KLHL1: variants seen among roughly 807,000 people sequenced by gnomAD.
KLHL1 encodes kelch-like protein 1.
KLHL1 carries 47 observed loss-of-function variants against 77.7 expected under a neutral mutation model. The ratio of observed to expected loss-of-function variants is 0.60; its 90% CI spans 0.48 to 0.77. KLHL1 has a LOEUF of 0.77. KLHL1 is among the 30% of genes least tolerant of loss of function. KLHL1 has a pLI of 0.00. For synonymous variants in KLHL1, 360 were observed against 325.2 expected, an observed-to-expected ratio of 1.11 and a Z score of -1.15; for missense variants, 925 against 910.8, an observed-to-expected ratio of 1.02 and a Z score of -0.20.
At chr13:70,106,851 T>C (rs1380956218) in intron 1 of KLHL1, among the ~76,000 whole-genome samples, 1 of 152,178 alleles carries the variant, frequency 6.6e-6, no homozygotes, top group Non-Finnish European at 1.5e-5. Context: ...AAATTTCATC[T>C]TCAGATAATG....
At chr13:70,050,871 G>T (rs1383567347) in intron 1 of KLHL1, among the ~76,000 whole-genome samples, 2 of 151,910 alleles carry the variant, frequency 1.3e-5, no homozygotes, top group Non-Finnish European at 2.9e-5. Context: ...AACTAATTTT[G>T]TGGTGATAAT....
chr13:69,904,287 A>G (rs976818164), intron 4 of KLHL1, among the ~76,000 whole-genome samples: 2 of 152,194 alleles, frequency 1.3e-5, no homozygotes, highest in Admixed American at 6.5e-5. Context: ...ATTATTTGGT[A>G]CAGCTGAAGT....
At chr13:69,860,562 T>C (rs1052565682) in intron 5 of KLHL1, among the ~76,000 whole-genome samples, 3 of 151,982 alleles carry the variant, frequency 2.0e-5, no homozygotes, top group African/African-American at 7.2e-5. Flanking sequence ...ATAATCCTTT[T>C]AAGCTTAATA....
chr13:70,046,792 G>A (rs1380199329), intron 1 of KLHL1, among the ~76,000 whole-genome samples: 3 of 152,198 alleles, frequency 2.0e-5, no homozygotes, highest in Admixed American at 6.5e-5. Context: ...GGAATTAAAG[G>A]CCCTTACACC....
chr13:70,054,547 C>T (rs1259096336), intron 1 of KLHL1, among the ~76,000 whole-genome samples: 1 of 151,882 alleles, frequency 6.6e-6, no homozygotes, highest in Non-Finnish European at 1.5e-5. Context: ...CATGAACATT[C>T]TTTTTTATGT....
chr13:69,960,220 T>C (rs1884022717), intron 3 of KLHL1, among the ~76,000 whole-genome samples: 1 of 151,398 alleles, frequency 6.6e-6, no homozygotes, highest in Non-Finnish European at 1.5e-5. Flanking sequence ...GTCCTCCTAG[T>C]TCCCAGGTGT....
chr13:70,001,769 T>A (rs1338037357), intron 1 of KLHL1, among the ~76,000 whole-genome samples: 1 of 151,578 alleles, frequency 6.6e-6, no homozygotes, highest in Non-Finnish European at 1.5e-5. Flanking sequence ...TAAAACTATG[T>A]CAGTAGACCA....
intron 4 of KLHL1, among the ~76,000 whole-genome samples, chr13:69,893,645 G>T (rs192730008): frequency 1.3e-5 from 2 of 152,136 alleles, no homozygotes; most frequent in Non-Finnish European, 2.9e-5. Context: ...TATGTATGAT[G>T]CTCTAAATAC....
At chr13:69,927,377 C>A (rs1021928901) in intron 4 of KLHL1, among the ~76,000 whole-genome samples, 2 of 151,998 alleles carry the variant, frequency 1.3e-5, no homozygotes. Flanking sequence ...ACCAAAAGCA[C>A]AAGCAATAAA....
At chr13:69,899,484 A>T (rs1485125320) in intron 4 of KLHL1, among the ~76,000 whole-genome samples, 1 of 152,202 alleles carries the variant, frequency 6.6e-6, no homozygotes. Flanking sequence ...CCTTACAAGA[A>T]ATTTGTGAAA....
chr13:69,720,964 T>C (rs2137896291), intron 8 of KLHL1, among the ~76,000 whole-genome samples: 1 of 131,396 alleles, frequency 7.6e-6, no homozygotes, highest in Non-Finnish European at 1.6e-5. Context: ...AAATAAATCC[T>C]GGGACTCCCA....
At chr13:70,023,067 C>A (rs180866268) in intron 1 of KLHL1, among the ~76,000 whole-genome samples, 10 of 152,002 alleles carry the variant, frequency 6.6e-5, no homozygotes, top group Admixed American at 3.3e-4. Flanking sequence ...GTCACACAGA[C>A]CTTTATTCAC....
chr13:69,958,230 C>A (rs1372148596), intron 3 of KLHL1, among the ~76,000 whole-genome samples: 1 of 150,168 alleles, frequency 6.7e-6, no homozygotes, highest in African/African-American at 2.5e-5. Flanking sequence ...CCATTCTTAC[C>A]AGTTACCAAA....
chr13:69,924,432 G>A (rs1882747135), intron 4 of KLHL1, among the ~76,000 whole-genome samples: 1 of 152,126 alleles, frequency 6.6e-6, no homozygotes, highest in Non-Finnish European at 1.5e-5. Flanking sequence ...CATTTGGATG[G>A]CCAGCTGCAG....
chr13:69,733,318 T>C (rs1028147714), intron 8 of KLHL1, among the ~76,000 whole-genome samples: 4 of 152,014 alleles, frequency 2.6e-5, no homozygotes, highest in Non-Finnish European at 4.4e-5. Flanking sequence ...ATTTTAAAAA[T>C]ACAAGGCAGA....
intron 7 of KLHL1, among the ~76,000 whole-genome samples, chr13:69,783,998 C>G (rs892381314): frequency 1.3e-5 from 2 of 152,140 alleles, no homozygotes; most frequent in Non-Finnish European, 2.9e-5. Flanking sequence ...AGCAGAAACT[C>G]TACAAGCCAG....
chr13:69,980,056 C>T (rs1340951844), intron 1 of KLHL1, among the ~76,000 whole-genome samples: 1 of 152,182 alleles, frequency 6.6e-6, no homozygotes, highest in Non-Finnish European at 1.5e-5. Flanking sequence ...ATTTAATTTC[C>T]TATCATTGAC....
chr13:70,037,973 G>A (rs1010081639), intron 1 of KLHL1, among the ~76,000 whole-genome samples: 6 of 152,028 alleles, frequency 3.9e-5, no homozygotes, highest in Non-Finnish European at 7.4e-5. Context: ...TCATCTGTGA[G>A]TACAATTTTT....
chr13:70,010,853 T>C (rs1386485255), intron 1 of KLHL1, among the ~76,000 whole-genome samples: 3 of 151,182 alleles, frequency 2.0e-5, no homozygotes, highest in East Asian at 1.9e-4. Context: ...GATTGCGCCA[T>C]TGCACTCCAG....
Sources: allele counts gnomAD v4.1 joint callset (sites outside exome capture counted in the v4.1 genomes callset), GRCh38; gene constraint gnomAD v4.1.1; transcripts MANE v1.5; gene names NCBI Gene and HGNC (gene_info 2026-07-23, HGNC 2026-07-21).